NBEA: variants seen among roughly 807,000 people sequenced by gnomAD.
NBEA encodes the protein lysosomal-trafficking regulator 2.
A neutral mutation model predicts 343.4 loss-of-function variants in NBEA; 44 were observed. The observed-to-expected ratio is 0.13, with a 90% CI of 0.10 to 0.16. NBEA has a LOEUF of 0.16. Among genes scored for constraint, NBEA ranks in the 10% least tolerant of loss-of-function variants. NBEA has a pLI of 1.00. For synonymous variants in NBEA, 1,175 were observed against 1,238.7 expected, an observed-to-expected ratio of 0.95 and a Z score of 1.08; for missense variants, 2,555 against 3,631.3, an observed-to-expected ratio of 0.70 and a Z score of 7.62.
chr13:35,287,187 T>C (rs2035481776), intron 34 of NBEA, among the ~76,000 whole-genome samples: 1 of 152,078 alleles, frequency 6.6e-6, no homozygotes, highest in South Asian at 2.1e-4. Flanking sequence ...CTTGCAGTAC[T>C]GAATCAGTAA....
intron 10 of NBEA, among the ~76,000 whole-genome samples, chr13:35,094,998 A>G (rs1275555870): frequency 6.6e-6 from 1 of 151,904 alleles, no homozygotes; most frequent in Non-Finnish European, 1.5e-5. Context: ...TTATTTAAAA[A>G]GCCAATCTAG....
At chr13:35,210,289 T>G in intron 32 of NBEA, among the ~76,000 whole-genome samples, 1 of 152,006 alleles carries the variant, frequency 6.6e-6, no homozygotes, top group Non-Finnish European at 1.5e-5. Flanking sequence ...TGTGTGTGTG[T>G]GTGTGTATGT....
rs776401893 is a variant in NBEA, at chr13:35,171,264, T to TAA, written c.4243-8_4243-7insAA. ...TAAACAAGACTTAAATCTTCTACTTTTTTAAAGACGGAATTGGAAAATATT... is the reference window on the plus strand; with the variant it reads ...TAAACAAGACTTAAATCTTCTACTTTAATTTAAAGACGGAATTGGAAAATATT... On this transcript the variant is annotated splice_polypyrimidine_tract_variant and splice_region_variant and intron_variant, in intron 25 of 58. Transcript: ENST00000379939. 4.4e-6 allele frequency: 7 copies of TAA among 1,606,306 alleles called. No homozygotes were observed. Among genetic ancestry groups the TAA allele is most frequent in the African/African-American group, 2.7e-5 (2 of 74,590 alleles).
chr13:35,305,534 A>G (rs2036832686), intron 35 of NBEA, among the ~76,000 whole-genome samples: 1 of 152,126 alleles, frequency 6.6e-6, no homozygotes, highest in South Asian at 2.1e-4. Context: ...AATATGGGCA[A>G]AGGGACATGT....
At chr13:35,378,688 A>G (rs754308950) in intron 38 of NBEA, among the ~76,000 whole-genome samples, 7 of 151,982 alleles carry the variant, frequency 4.6e-5, no homozygotes, top group Non-Finnish European at 8.8e-5. Context: ...AGAAGAGTAC[A>G]TATGTCATAA....
intron 33 of NBEA, among the ~76,000 whole-genome samples, chr13:35,225,258 T>G (rs1359188176): frequency 6.6e-6 from 1 of 152,086 alleles, no homozygotes; most frequent in Non-Finnish European, 1.5e-5. Flanking sequence ...TTTTATGTAT[T>G]TCTACATGAT....
intron 1 of NBEA, among the ~76,000 whole-genome samples, chr13:34,994,570 A>G (rs145686140): frequency 1.4e-3 from 215 of 152,290 alleles, no homozygotes; most frequent in African/African-American, 4.8e-3. Context: ...TTTTTCAGAT[A>G]CAATTTACCA....
chr13:34,963,799 T>G (rs544960003), intron 1 of NBEA, among the ~76,000 whole-genome samples: 1 of 151,912 alleles, frequency 6.6e-6, no homozygotes, highest in African/African-American at 2.4e-5. Context: ...GCCCAAATAG[T>G]TTTGACTCCA....
intron 34 of NBEA, among the ~76,000 whole-genome samples, chr13:35,259,523 A>G (rs1459787667): frequency 6.6e-6 from 1 of 152,150 alleles, no homozygotes; most frequent in African/African-American, 2.4e-5. Flanking sequence ...GTAACATTTC[A>G]AGTTTTTGTA....
At chr13:35,011,219 A>C (rs960851156) in intron 1 of NBEA, among the ~76,000 whole-genome samples, 7 of 152,122 alleles carry the variant, frequency 4.6e-5, no homozygotes, top group Admixed American at 2.0e-4. Flanking sequence ...GCCTTTCATC[A>C]ATAAGAGTAA....
chr13:35,160,059 A>G, intron 22 of NBEA, 27 bp downstream of exon 22: 1 of 1,489,888 alleles, frequency 6.7e-7, no homozygotes, highest in Non-Finnish European at 8.9e-7. Context: ...GAGTTCTAGA[A>G]ATAAATAAAA....
At chr13:35,264,444 A>T (rs2033487014) in intron 34 of NBEA, among the ~76,000 whole-genome samples, 2 of 152,126 alleles carry the variant, frequency 1.3e-5, no homozygotes, top group South Asian at 4.1e-4. Flanking sequence ...GACATTATGA[A>T]AAAAGAAAAC....
chr13:35,351,874 G>A (rs894050958), intron 37 of NBEA, among the ~76,000 whole-genome samples: 2 of 151,876 alleles, frequency 1.3e-5, no homozygotes, highest in Non-Finnish European at 2.9e-5. Context: ...GTAAATATTT[G>A]TGCTTCTAAA....
At chr13:35,268,780 T>G (rs1181915619) in intron 34 of NBEA, among the ~76,000 whole-genome samples, 1 of 152,076 alleles carries the variant, frequency 6.6e-6, no homozygotes, top group African/African-American at 2.4e-5. Flanking sequence ...TCATTTAAAT[T>G]TTAAGTTTTA....
At chr13:35,398,020 A>G (rs187230308) in intron 38 of NBEA, among the ~76,000 whole-genome samples, 13 of 152,270 alleles carry the variant, frequency 8.5e-5, no homozygotes, top group African/African-American at 2.9e-4. Context: ...ACTTCTTTCA[A>G]AATTGGAGTC....
intron 40 of NBEA, among the ~76,000 whole-genome samples, chr13:35,471,766 A>G (rs180936292): frequency 1.5e-3 from 236 of 152,272 alleles, no homozygotes; most frequent in African/African-American, 5.6e-3. Context: ...CTTTTGATAT[A>G]TTCTCTGTAA....
chr13:35,421,989 C>G (rs1234517435), intron 38 of NBEA, among the ~76,000 whole-genome samples: 1 of 151,786 alleles, frequency 6.6e-6, no homozygotes, highest in African/African-American at 2.4e-5. Context: ...TTAGCATGGA[C>G]TTCCATGGAT....
chr13:35,293,580 A>G (rs1324592942), intron 35 of NBEA, among the ~76,000 whole-genome samples: 1 of 152,042 alleles, frequency 6.6e-6, no homozygotes. Context: ...GTCTGATACT[A>G]TCTTCTATCA....
chr13:34,950,118 A>G (rs73488144), intron 1 of NBEA, among the ~76,000 whole-genome samples: 2,404 of 152,246 alleles, frequency 0.016, 66 homozygotes, highest in African/African-American at 0.049. Context: ...ACTGGACTTT[A>G]TCCTGCTTTC....
Sources: allele counts gnomAD v4.1 joint callset (sites outside exome capture counted in the v4.1 genomes callset), GRCh38; gene constraint gnomAD v4.1.1; transcripts MANE v1.5; gene names NCBI Gene and HGNC (gene_info 2026-07-23, HGNC 2026-07-21).